PIK3CD: variants seen among roughly 807,000 people sequenced by gnomAD.
PIK3CD encodes the protein phosphatidylinositol-4,5-bisphosphate 3-kinase catalytic subunit delta.
Under a neutral mutation model 122.9 loss-of-function variants are expected in PIK3CD, and 20 were observed. The observed-to-expected ratio is 0.16, with a 90% CI of 0.11 to 0.24. The LOEUF (loss-of-function observed/expected upper bound fraction) is 0.24. Ranked by LOEUF, PIK3CD falls within the 10% of genes least tolerant of loss-of-function variation. PIK3CD has a pLI of 1.00. For synonymous variants in PIK3CD, 596 were observed against 593.4 expected, an observed-to-expected ratio of 1.00 and a Z score of -0.06; for missense variants, 787 against 1,406.3, an observed-to-expected ratio of 0.56 and a Z score of 7.04.
upstream of PIK3CD, among the ~76,000 whole-genome samples, chr1:9,651,570 T>C (rs1369223767): frequency 9.2e-5 from 14 of 152,268 alleles, no homozygotes. Flanking sequence ...CCTCTAGCGG[T>C]AGGCGAACTG....
At chr1:9,638,777 ATTT>A in the PIK3CD span, among the ~76,000 whole-genome samples, 16 of 116,982 alleles carry the variant, frequency 1.4e-4, no homozygotes, top group South Asian at 8.9e-4. Flanking sequence ...CTTTTGCAAG[ATTT>A]TTTTTTTTTT....
In PIK3CD at chr1:9,727,806, A is replaced by ATCT. The variant is rs1185054490; in HGVS notation, c.*762_*764dup. 2 of 183,104 alleles carry ATCT rather than the reference A, an allele frequency of 1.1e-5. No individual in the cohort carries two copies. The highest frequency in any genetic ancestry group is 1.1e-5 in the Non-Finnish European group (1 of 90,814). 11.3% of individuals were successfully genotyped at this position (183,104 alleles called of 1,614,324 possible). A position where few individuals can be genotyped will look rare whatever the true frequency, so the allele number is the denominator to read the frequency against. On this transcript the variant is annotated 3_prime_UTR_variant, in exon 24 of 24. Coordinates refer to ENST00000377346, the MANE Select transcript of PIK3CD (RefSeq NM_005026.5). ...CGAATACTCTGCCATTATCTCAAAA[A>ATCT]TCTTTTTTTTTTTTTTGAGATGGGG...
In PIK3CD at chr1:9,724,870, C is replaced by T. The variant is rs1176606501; in HGVS notation, c.2931C>T (p.Leu977=). The change falls in exon 23 of 24, where the codon CTC becomes CTT. Residue 977 remains leucine, a synonymous_variant. Coordinates refer to ENST00000377346, the MANE Select transcript of PIK3CD (RefSeq NM_005026.5). The surrounding 1 kb of genome is among the most constrained non-coding windows in gnomAD (Gnocchi z 7.3). ...LRRHGLLFLH[L]FALMRAAGLP... ...GCCACGGGCTTCTCTTCCTCCACCT[C>T]TTTGCCCTGATGCGGGCGGCAGGCC... The T allele has an allele frequency of 1.9e-6, 3 of 1,614,072 alleles. No homozygotes were observed. Among genetic ancestry groups the T allele is most frequent in the Non-Finnish European group, 2.5e-6 (3 of 1,180,042 alleles).
intron 1 of PIK3CD, chr1:9,654,350 C>T (rs770900116): frequency 8.0e-6 from 11 of 1,367,582 alleles, no homozygotes; most frequent in East Asian, 9.1e-5. Flanking sequence ...GTTTCTCCTC[C>T]GATACCATGT....
intron 1 of PIK3CD, among the ~76,000 whole-genome samples, chr1:9,673,056 T>C (rs930996396): frequency 6.6e-6 from 1 of 151,970 alleles, no homozygotes; most frequent in Non-Finnish European, 1.5e-5. Context: ...CATCTTTCTG[T>C]ATGAGGCGTA....
At position 9,720,258 on chromosome 1, in the gene PIK3CD, G is replaced by A. The variant is rs573337389; in HGVS notation, c.1470+16G>A. 478 of 1,597,410 alleles carry A rather than the reference G, an allele frequency of 3.0e-4. 5 individuals carry two copies. The South Asian group carries it at 4.3e-3, about 14-fold the overall frequency. On this transcript the variant is annotated intron_variant, in intron 11 of 23. Coordinates refer to ENST00000377346, the MANE Select transcript of PIK3CD (RefSeq NM_005026.5). The surrounding 1 kb of genome is among the most constrained non-coding windows in gnomAD (Gnocchi z 9.0). ...CCTGGAGAAGGTCAGTGGGGGCCCCGCCGCGTGAGGCTGAGGGGCTGGCGC... is the reference window on the plus strand; with the variant it reads ...CCTGGAGAAGGTCAGTGGGGGCCCCACCGCGTGAGGCTGAGGGGCTGGCGC...
At position 9,719,314 on chromosome 1, in the gene PIK3CD, G is replaced by A. The variant is rs1309181162; in HGVS notation, c.1242+399G>A. 6.6e-6 allele frequency among the ~76,000 whole-genome samples: 1 copy of A among 152,186 alleles called. No homozygotes were observed. The highest frequency in any genetic ancestry group is 1.5e-5 in the Non-Finnish European group (1 of 68,022). ...GCTCCCCTCGGAGCTGACTCACTCC[G>A]AGCTGAGCTGGGCTGGCCTCTGGGG... On this transcript the variant is annotated intron_variant, in intron 9 of 23. Transcript: ENST00000377346. The surrounding 1 kb of genome is among the most constrained non-coding windows in gnomAD (Gnocchi z 5.5).
intron 1 of PIK3CD, among the ~76,000 whole-genome samples, chr1:9,669,936 G>A (rs1404941523): frequency 3.3e-5 from 5 of 152,128 alleles, no homozygotes; most frequent in Admixed American, 6.6e-5. Context: ...CACTTTGGGA[G>A]GCCAAAGCAG....
At chr1:9,688,672 T>A (rs1041133178) in intron 1 of PIK3CD, among the ~76,000 whole-genome samples, 6 of 152,032 alleles carry the variant, frequency 3.9e-5, no homozygotes, top group African/African-American at 1.2e-4. Flanking sequence ...CAAAAAATTT[T>A]AAAAAATTAG....
the PIK3CD span, among the ~76,000 whole-genome samples, chr1:9,632,576 T>C: frequency 1.3e-5 from 2 of 152,154 alleles, no homozygotes; most frequent in African/African-American, 4.8e-5. Flanking sequence ...TCTCCTACCA[T>C]ACTTGATCTA....
At chr1:9,662,934 C>T (rs1162120240) in intron 1 of PIK3CD, among the ~76,000 whole-genome samples, 1 of 152,144 alleles carries the variant, frequency 6.6e-6, no homozygotes, top group African/African-American at 2.4e-5. Context: ...GGTGATCCAC[C>T]TGCCTTGGCC....
chr1:9,692,219 G>C (rs1026723425), intron 2 of PIK3CD, among the ~76,000 whole-genome samples: 1 of 152,208 alleles, frequency 6.6e-6, no homozygotes, highest in African/African-American at 2.4e-5. Flanking sequence ...TGCGAGACCT[G>C]CCGGTCCCCT....
At chr1:9,659,860 C>G (rs1455155109) in intron 1 of PIK3CD, among the ~76,000 whole-genome samples, 1 of 152,196 alleles carries the variant, frequency 6.6e-6, no homozygotes, top group Non-Finnish European at 1.5e-5. Flanking sequence ...AAGCAATTCT[C>G]CTGTCTCGGC....
the PIK3CD span, among the ~76,000 whole-genome samples, chr1:9,629,899 C>G: frequency 6.6e-6 from 1 of 152,316 alleles, no homozygotes; most frequent in South Asian, 2.1e-4. Flanking sequence ...AATTTTGCGC[C>G]ATTACTCTTT....
intron 1 of PIK3CD, chr1:9,654,189 A>G (rs9430611): frequency 0.22 from 297,384 of 1,360,240 alleles, 33,310 homozygotes; most frequent in Middle Eastern, 0.29. Context: ...CATTGGCCAC[A>G]CTACTCACTT....
intron 1 of PIK3CD, chr1:9,672,522 G>C (rs1157002401): frequency 6.6e-6 from 1 of 152,164 alleles, no homozygotes; most frequent in Non-Finnish European, 1.5e-5. Context: ...TTGAACTCCT[G>C]AGCTCAAGTG....
intron 2 of PIK3CD, among the ~76,000 whole-genome samples, chr1:9,705,663 G>C (rs1646803847): frequency 6.6e-6 from 1 of 152,148 alleles, no homozygotes; most frequent in South Asian, 2.1e-4. Flanking sequence ...CATTAAAAAA[G>C]ATTAAGTAAC....
intron 1 of PIK3CD, among the ~76,000 whole-genome samples, chr1:9,685,315 T>C (rs1330062537): frequency 1.3e-5 from 2 of 152,142 alleles, no homozygotes; most frequent in Non-Finnish European, 2.9e-5. Context: ...TGTTTGTTTG[T>C]TTTTGGTTGT....
chr1:9,721,336 T>A (rs570283633), intron 14 of PIK3CD, 88 bp downstream of exon 14: 1 of 1,609,238 alleles, frequency 6.2e-7, no homozygotes, highest in African/African-American at 1.3e-5. Context: ...GGCCTGAACC[T>A]TCCCGTGGGC....
Sources: gnomAD v4.1 joint callset for allele counts (sites outside exome capture counted in the v4.1 genomes callset) on GRCh38, gnomAD v4.1.1 for gene constraint, Gnocchi (gnomAD v3.1) non-coding constraint, MANE v1.5 for transcripts, NCBI Gene and HGNC (gene_info 2026-07-23, HGNC 2026-07-21) for gene names.